Variants in PPARGC1A observed in about 807,000 individuals in gnomAD.
PPARGC1A encodes peroxisome proliferator-activated receptor gamma coactivator 1-alpha.
Under a neutral mutation model 88.7 loss-of-function variants are expected in PPARGC1A, and 25 were observed. That is an observed-to-expected ratio of 0.28 (90% CI 0.21 to 0.39). PPARGC1A has a LOEUF of 0.39. Ranked by LOEUF, PPARGC1A falls within the 10% of genes least tolerant of loss-of-function variation. The pLI, the probability that PPARGC1A is intolerant of heterozygous loss-of-function variation, is 1.00. For synonymous variants in PPARGC1A, 363 were observed against 355.6 expected (o/e 1.02, Z -0.24); for missense variants, 880 against 968.7 (o/e 0.91, Z 1.22).
the PPARGC1A span, among the ~76,000 whole-genome samples, chr4:23,920,396 A>C: frequency 6.6e-6 from 1 of 152,196 alleles, no homozygotes; most frequent in Non-Finnish European, 1.5e-5. Context: ...TATCTATATT[A>C]GTCCTTATAA....
At chr4:24,331,444 T>C in the PPARGC1A span, among the ~76,000 whole-genome samples, 1 of 152,180 alleles carries the variant, frequency 6.6e-6, no homozygotes, top group South Asian at 2.1e-4. Context: ...TTGTATTAAT[T>C]AGTTGTCAGT....
At chr4:24,215,658 G>A in the PPARGC1A span, among the ~76,000 whole-genome samples, 2 of 152,176 alleles carry the variant, frequency 1.3e-5, no homozygotes, top group Non-Finnish European at 2.9e-5. Flanking sequence ...GTTTGACAGA[G>A]AGAAGCTGAA....
the PPARGC1A span, among the ~76,000 whole-genome samples, chr4:24,320,351 A>G: frequency 6.6e-6 from 1 of 152,190 alleles, no homozygotes; most frequent in Non-Finnish European, 1.5e-5. Flanking sequence ...AATAAACACC[A>G]CACCATTAAT....
At chr4:23,928,647 C>T in the PPARGC1A span, among the ~76,000 whole-genome samples, 1 of 151,024 alleles carries the variant, frequency 6.6e-6, no homozygotes, top group African/African-American at 2.4e-5. Context: ...GATGCATGAA[C>T]ACATATGTTC....
chr4:24,454,372 G>T, the PPARGC1A span, among the ~76,000 whole-genome samples: 2 of 151,876 alleles, frequency 1.3e-5, no homozygotes, highest in Admixed American at 1.3e-4. Flanking sequence ...AAAGTTACTT[G>T]GTATGTGGGA....
intron 2 of PPARGC1A, among the ~76,000 whole-genome samples, chr4:23,870,605 T>G (rs1002291499): frequency 6.6e-6 from 1 of 152,224 alleles, no homozygotes; most frequent in African/African-American, 2.4e-5. Flanking sequence ...CGGATTCATT[T>G]AAATCATAAG....
chr4:24,240,993 G>A, the PPARGC1A span, among the ~76,000 whole-genome samples: 79 of 152,298 alleles, frequency 5.2e-4, no homozygotes, highest in African/African-American at 1.8e-3. Context: ...CTCTGCTGCT[G>A]AGGGGTGGCA....
chr4:24,112,880 G>C, the PPARGC1A span, among the ~76,000 whole-genome samples: 2 of 152,282 alleles, frequency 1.3e-5, no homozygotes, highest in East Asian at 3.9e-4. Flanking sequence ...GCTATGGCTA[G>C]ATGTGTCACT....
At chr4:24,129,759 A>T in the PPARGC1A span, among the ~76,000 whole-genome samples, 1 of 152,208 alleles carries the variant, frequency 6.6e-6, no homozygotes, top group Non-Finnish European at 1.5e-5. Context: ...ATGTCCATCA[A>T]TGACAGACTG....
the PPARGC1A span, among the ~76,000 whole-genome samples, chr4:24,287,163 A>G: frequency 2.0e-5 from 3 of 151,758 alleles, no homozygotes; most frequent in Admixed American, 6.6e-5. Context: ...CCTGAGCTCT[A>G]CCTACTAGAT....
chr4:24,184,167 T>C, the PPARGC1A span, among the ~76,000 whole-genome samples: 1 of 152,166 alleles, frequency 6.6e-6, no homozygotes. Context: ...GCAATTATGA[T>C]AGTAACAGAA....
At chr4:23,884,698 T>A in intron 2 of PPARGC1A, 54 bp downstream of exon 2, 1 of 1,523,658 alleles carries the variant, frequency 6.6e-7, no homozygotes, top group South Asian at 1.3e-5. Context: ...ACCATGTTAG[T>A]CGGGCCCAAG....
intron 2 of PPARGC1A, among the ~76,000 whole-genome samples, chr4:23,873,861 C>G (rs890636020): frequency 1.6e-4 from 24 of 152,236 alleles, no homozygotes; most frequent in African/African-American, 5.5e-4. Flanking sequence ...CAAAAAGAGC[C>G]TCCAAGTACT....
the PPARGC1A span, among the ~76,000 whole-genome samples, chr4:24,060,786 A>T: frequency 6.6e-6 from 1 of 152,200 alleles, no homozygotes; most frequent in African/African-American, 2.4e-5. Flanking sequence ...ATTTACAAAA[A>T]TAAGAGCACT....
At chr4:24,214,325 C>A in the PPARGC1A span, among the ~76,000 whole-genome samples, 1 of 152,184 alleles carries the variant, frequency 6.6e-6, no homozygotes, top group Non-Finnish European at 1.5e-5. Flanking sequence ...TCCCTGGAAA[C>A]AACAGCAGTA....
chr4:24,010,297 C>T, the PPARGC1A span, among the ~76,000 whole-genome samples: 528 of 152,130 alleles, frequency 3.5e-3, no homozygotes, highest in Non-Finnish European at 5.5e-3. Flanking sequence ...CACAATAGAC[C>T]GCTCAATAGA....
At chr4:23,941,614 T>C in the PPARGC1A span, among the ~76,000 whole-genome samples, 1 of 152,196 alleles carries the variant, frequency 6.6e-6, no homozygotes, top group Non-Finnish European at 1.5e-5. Flanking sequence ...GCACTGGTGA[T>C]GGATTTCCAT....
At chr4:23,916,630 C>A in the PPARGC1A span, among the ~76,000 whole-genome samples, 1 of 152,110 alleles carries the variant, frequency 6.6e-6, no homozygotes, top group African/African-American at 2.4e-5. Flanking sequence ...AGATCTATAT[C>A]ATTCTACATA....
intron 2 of PPARGC1A, among the ~76,000 whole-genome samples, chr4:23,854,110 C>G (rs1729776769): frequency 6.6e-6 from 1 of 152,192 alleles, no homozygotes; most frequent in South Asian, 2.1e-4. Flanking sequence ...AGTTTATAAT[C>G]TAGTCAAGGG....
Sources: gnomAD v4.1 joint callset for allele counts (sites outside exome capture counted in the v4.1 genomes callset) on GRCh38, gnomAD v4.1.1 for gene constraint, MANE v1.5 for transcripts, NCBI Gene and HGNC (gene_info 2026-07-23, HGNC 2026-07-21) for gene names.